Variants in TIAM2 observed in about 807,000 individuals in gnomAD.
TIAM2 encodes the protein TIAM Rac1 associated GEF 2, also known as rho guanine nucleotide exchange factor TIAM2.
In TIAM2, 80 loss-of-function variants were observed where a neutral mutation model predicts 152.9. That is an observed-to-expected ratio of 0.52 (90% CI 0.44 to 0.63). TIAM2 has a LOEUF of 0.63. Ranked by LOEUF, TIAM2 falls within the 30% of genes least tolerant of loss-of-function variation. The probability of loss-of-function intolerance (pLI) is 0.00; values close to 1 mark genes in which losing one functional copy is unlikely to be tolerated. For synonymous variants in TIAM2, 804 were observed against 838.0 expected, an observed-to-expected ratio of 0.96 and a Z score of 0.70; for missense variants, 1,965 against 2,120.1, an observed-to-expected ratio of 0.93 and a Z score of 1.44.
intron 24 of TIAM2, 60 bp downstream of exon 24, chr6:155,253,113 T>C (rs1783772226): frequency 1.4e-6 from 2 of 1,410,592 alleles, no homozygotes; most frequent in African/African-American, 1.4e-5. Context: ...AACTGTGGAA[T>C]GTAAATTAAG....
chr6:155,166,141 G>A (rs1554236568), intron 9 of TIAM2, among the ~76,000 whole-genome samples: 1 of 149,288 alleles, frequency 6.7e-6, no homozygotes, highest in South Asian at 2.1e-4. Flanking sequence ...TTTTAGAGAC[G>A]AGCAGACTGA....
intron 2 of TIAM2, among the ~76,000 whole-genome samples, chr6:155,097,330 C>T (rs1487704050): frequency 6.6e-6 from 1 of 152,056 alleles, no homozygotes; most frequent in East Asian, 1.9e-4. Context: ...GTTCCCTTTT[C>T]TGTGCAGAGC....
At chr6:155,007,688 C>A (rs529715007) in intron 1 of TIAM2, among the ~76,000 whole-genome samples, 49 of 152,138 alleles carry the variant, frequency 3.2e-4, no homozygotes, top group Non-Finnish European at 5.4e-4. Context: ...TACCAACAGG[C>A]AGGACTTTGC....
rs71023612 is a variant in TIAM2, at chr6:155,057,017, C to CTTTTTTTTTTT, written c.-208-33253_-208-33243dup. ...AGTAGAATGTTCCTCAGTTTTCTTT[C>CTTTTTTTTTTT]TTTTTTTTTTTTTTTTTTTTTTTTT... On this transcript the variant is annotated intron_variant, in intron 1 of 26. Transcript: ENST00000682666. 1.5e-3 allele frequency among the ~76,000 whole-genome samples: 66 copies of CTTTTTTTTTTT among 43,866 alleles called. 6 individuals carry two copies. Among genetic ancestry groups the CTTTTTTTTTTT allele is most frequent in the East Asian group, 3.4e-3 (5 of 1,452 alleles). The allele number at this position is 43,866 out of a possible 152,430, so 28.8% of individuals were successfully genotyped here. A position where few individuals can be genotyped will look rare whatever the true frequency, so the allele number is the denominator to read the frequency against.
At chr6:155,104,019 G>C (rs981737338) in intron 2 of TIAM2, among the ~76,000 whole-genome samples, 10 of 134,484 alleles carry the variant, frequency 7.4e-5, no homozygotes, top group African/African-American at 3.0e-4. Flanking sequence ...TTCTTCTTCT[G>C]TATTTACCTC....
intron 14 of TIAM2, among the ~76,000 whole-genome samples, chr6:155,184,281 G>A (rs1780981847): frequency 6.6e-6 from 1 of 152,158 alleles, no homozygotes; most frequent in South Asian, 2.1e-4. Context: ...GAGCCACCGT[G>A]CCTGGCCAGT....
At chr6:155,198,822 TTCTTGAGCCGAGG>T (rs1781413015) in intron 14 of TIAM2, among the ~76,000 whole-genome samples, 1 of 152,110 alleles carries the variant, frequency 6.6e-6, no homozygotes, top group Admixed American at 6.6e-5. Context: ...TGCCGAGACT[TTCTTGAGCCGAGG>T]TCTCCATCAG....
In TIAM2 at chr6:155,171,600, C is replaced by A. The variant is rs562302165; in HGVS notation, c.2362-5216C>A. Among the ~76,000 whole-genome samples the A allele has an allele frequency of 1.9e-3, 296 of 152,072 alleles. 1 individual carries two copies. Among genetic ancestry groups the A allele is most frequent in the African/African-American group, 6.8e-3 (283 of 41,490 alleles). ...CAAAAAACCCCAAAACCAAAACAAA[C>A]CCCCTAATATTGTTTTCTTAAATGG... On this transcript the variant is annotated intron_variant, in intron 9 of 26. Coordinates refer to ENST00000682666, the MANE Select transcript of TIAM2 (RefSeq NM_012454.4).
intron 7 of TIAM2, among the ~76,000 whole-genome samples, chr6:155,159,653 T>A (rs1184821412): frequency 6.6e-6 from 1 of 152,124 alleles, no homozygotes; most frequent in African/African-American, 2.4e-5. Flanking sequence ...CACTTGTACC[T>A]CTTCTTCCCT....
At chr6:155,254,318 TG>T in intron 25 of TIAM2, 100 bp from the exon 26 acceptor site, 1 of 1,485,064 alleles carries the variant, frequency 6.7e-7, no homozygotes, top group Non-Finnish European at 9.2e-7. Context: ...GCTGGCAGCC[TG>T]GTCCAGCAGG....
chr6:155,184,586 A>G (rs910387868), intron 14 of TIAM2, among the ~76,000 whole-genome samples: 1 of 152,162 alleles, frequency 6.6e-6, no homozygotes, highest in African/African-American at 2.4e-5. Context: ...ACACAGAGCA[A>G]TTTTTATACT....
intron 1 of TIAM2, among the ~76,000 whole-genome samples, chr6:155,076,989 C>T (rs1777976928): frequency 2.0e-5 from 3 of 152,200 alleles, no homozygotes; most frequent in Admixed American, 6.5e-5. Flanking sequence ...AGCCATAGCA[C>T]CCGGTCGAAA....
chr6:155,057,211 A>AT (rs1282156607), intron 1 of TIAM2, among the ~76,000 whole-genome samples: 4 of 149,684 alleles, frequency 2.7e-5, no homozygotes, highest in Non-Finnish European at 4.5e-5. Context: ...TTTTATTATT[A>AT]TTTTTTAAAT....
At chr6:155,253,593 A>G (rs1474750240) in intron 24 of TIAM2, 2 of 178,870 alleles carry the variant, frequency 1.1e-5, no homozygotes, top group African/African-American at 4.7e-5. Context: ...TGTTTTCGAG[A>G]AAATGACCAC....
chr6:155,204,902 T>G (rs938584727), intron 14 of TIAM2, among the ~76,000 whole-genome samples: 1 of 151,952 alleles, frequency 6.6e-6, no homozygotes, highest in Non-Finnish European at 1.5e-5. Context: ...AGTGTCAAGG[T>G]GCCATTAGGT....
intron 4 of TIAM2, among the ~76,000 whole-genome samples, chr6:155,130,699 A>G (rs1311035853): frequency 6.6e-6 from 1 of 152,154 alleles, no homozygotes; most frequent in Non-Finnish European, 1.5e-5. Context: ...ATCAACAGAC[A>G]TCTATTTCTC....
At chr6:155,166,774 C>G (rs76058836) in intron 9 of TIAM2, among the ~76,000 whole-genome samples, 15,857 of 152,162 alleles carry the variant, frequency 0.1, 907 homozygotes, top group Middle Eastern at 0.16. Context: ...TGGACTTTAT[C>G]TTGCTGATTG....
At chr6:155,245,868 G>C in intron 19 of TIAM2, 137 bp downstream of exon 19, 1 of 515,932 alleles carries the variant, frequency 1.9e-6, no homozygotes. Context: ...CTTGACAGTG[G>C]CAAATATTAA....
intron 14 of TIAM2, among the ~76,000 whole-genome samples, chr6:155,190,773 CAGT>C (rs1319845778): frequency 6.6e-6 from 1 of 151,756 alleles, no homozygotes; most frequent in African/African-American, 2.4e-5. Context: ...CTCTGTGAAG[CAGT>C]AGTTCTATGA....
Sources: gnomAD v4.1 joint callset for allele counts (sites outside exome capture counted in the v4.1 genomes callset) on GRCh38, gnomAD v4.1.1 for gene constraint, MANE v1.5 for transcripts, NCBI Gene and HGNC (gene_info 2026-07-23, HGNC 2026-07-21) for gene names.